Variants in GLB1L3 observed in about 807,000 individuals in gnomAD.
The protein encoded by GLB1L3 is beta-galactosidase-1-like protein 3.
A neutral mutation model predicts 89.5 loss-of-function variants in GLB1L3; 89 were observed. The ratio of observed to expected loss-of-function variants is 0.99; its 90% confidence interval spans 0.84 to 1.19. The LOEUF is 1.19. Ranked by LOEUF, GLB1L3 falls within the 50% of genes most tolerant of loss-of-function variation. GLB1L3 has a pLI of 0.00. For missense variants in GLB1L3, 812 were observed against 813.3 expected (o/e 1.00, Z 0.02); for synonymous variants, 314 against 312.3 (o/e 1.01, Z -0.06).
At position 134,311,042 on chromosome 11, in the gene GLB1L3, C is replaced by T. The variant is rs760743542; in HGVS notation, c.1181-22C>T. 2.1e-5 allele frequency: 34 copies of T among 1,586,060 alleles called. 2 individuals are homozygous for T. The South Asian group carries it at 2.5e-4, about 12-fold the overall frequency. On this transcript the variant is annotated intron_variant, in intron 12 of 19. Transcript: ENST00000431683. The stretch of plus-strand genomic sequence containing the variant: ...GTGGTCATCTCAGGCACTTTTTGCC[C>T]TGTGCCCCATCTCCATTGCAGCAAC...
intron 3 of GLB1L3, among the ~76,000 whole-genome samples, chr11:134,278,880 C>T (rs527352089): frequency 6.6e-6 from 1 of 152,282 alleles, no homozygotes; most frequent in South Asian, 2.1e-4. Flanking sequence ...CTTCACTGTT[C>T]TTTTGAATTG....
At chr11:134,300,919 C>G (rs992912843) in intron 9 of GLB1L3, among the ~76,000 whole-genome samples, 1 of 152,172 alleles carries the variant, frequency 6.6e-6, no homozygotes, top group Non-Finnish European at 1.5e-5. Flanking sequence ...GTGAATTTGG[C>G]TGGGGGACGC....
chr11:134,318,950 T>A lies in GLB1L3; in HGVS notation c.*8T>A, dbSNP rs749179537. On this transcript the variant is annotated 3_prime_UTR_variant, in exon 20 of 20. Transcript: ENST00000431683. ...GACAAGCCCACGCTGTAAAACTGTG[T>A]CTGAACATTTTTTTTTTTTTTTGAG... 1.9e-6 allele frequency: 3 copies of A among 1,572,228 alleles called. No homozygotes were observed.
intron 5 of GLB1L3, among the ~76,000 whole-genome samples, chr11:134,283,329 G>C (rs1365331016): frequency 3.9e-5 from 6 of 152,124 alleles, no homozygotes; most frequent in Non-Finnish European, 2.9e-5. Context: ...CTCCCAAAGT[G>C]CTGGGATTAT....
At chr11:134,308,565 C>CCAG (rs1565414523) in intron 10 of GLB1L3, among the ~76,000 whole-genome samples, 1 of 140,416 alleles carries the variant, frequency 7.1e-6, no homozygotes, top group Non-Finnish European at 1.6e-5. Flanking sequence ...ATCACCACCA[C>CCAG]CACCACCATC....
At chr11:134,289,742 C>T (rs752091638) in intron 7 of GLB1L3, among the ~76,000 whole-genome samples, 1 of 152,228 alleles carries the variant, frequency 6.6e-6, no homozygotes, top group African/African-American at 2.4e-5. Flanking sequence ...TTCTGTCCCT[C>T]TTGCTTCTTC....
downstream of GLB1L3, among the ~76,000 whole-genome samples, chr11:134,324,335 G>A (rs190125353): frequency 2.0e-5 from 3 of 152,266 alleles, no homozygotes; most frequent in Admixed American, 1.3e-4. Flanking sequence ...TATTTTAGTA[G>A]CATGTTTTGT....
At chr11:134,307,733 G>A (rs1942266383) in intron 10 of GLB1L3, among the ~76,000 whole-genome samples, 1 of 152,198 alleles carries the variant, frequency 6.6e-6, no homozygotes, top group Non-Finnish European at 1.5e-5. Flanking sequence ...TCTCAGCTCT[G>A]CAGCGCTAGC....
chr11:134,324,810 TAATA>T, the GLB1L3 span, among the ~76,000 whole-genome samples: 2 of 152,116 alleles, frequency 1.3e-5, no homozygotes, highest in East Asian at 1.9e-4. Flanking sequence ...TTGTTTAGTG[TAATA>T]AATGGTACTC....
chr11:134,312,502 G>A lies in GLB1L3; in HGVS notation c.1428+13G>A. On this transcript the variant is annotated intron_variant, in intron 14 of 19. Coordinates refer to ENST00000431683, the MANE Select transcript of GLB1L3 (RefSeq NM_001080407.3). ...TGACGTGGCACAGGTAGGGCCAGCA[G>A]GCTGTCTGTGTGGGAAGCAAAGTGC... 1.2e-6 allele frequency: 2 copies of A among 1,609,350 alleles called. No homozygotes were observed. The highest frequency in any genetic ancestry group is 1.7e-6 in the Non-Finnish European group (2 of 1,179,676).
chr11:134,305,438 T>G (rs1942158470), intron 9 of GLB1L3: 3 of 268,860 alleles, frequency 1.1e-5, no homozygotes, highest in African/African-American at 8.4e-5. Context: ...CGCTTCTTCC[T>G]CCTCATTTAT....
chr11:134,288,664 G>C (rs1207318756), intron 6 of GLB1L3, 134 bp from the exon 7 acceptor site: 4 of 596,032 alleles, frequency 6.7e-6, no homozygotes, highest in African/African-American at 1.9e-5. Context: ...CGCTGGAGCA[G>C]AGCGTGCAGA....
chr11:134,299,126 T>C (rs956669692), intron 9 of GLB1L3, among the ~76,000 whole-genome samples: 32 of 152,276 alleles, frequency 2.1e-4, no homozygotes, highest in African/African-American at 7.2e-4. Context: ...TTCGTTTCTC[T>C]TGCTATGTTT....
intron 9 of GLB1L3, among the ~76,000 whole-genome samples, chr11:134,294,490 T>C (rs1176567995): frequency 2.0e-5 from 3 of 152,216 alleles, no homozygotes; most frequent in African/African-American, 7.2e-5. Flanking sequence ...TTTTTGTTCT[T>C]TTTTTCTTGT....
intron 1 of GLB1L3, 143 bp downstream of exon 1, chr11:134,276,906 G>T (rs1244240029): frequency 2.7e-6 from 2 of 733,388 alleles, no homozygotes; most frequent in African/African-American, 1.9e-5. Context: ...GCTGTCCCCA[G>T]CTTTCCTCGG....
chr11:134,308,169 GCACCACCACCA>G (rs1942297909), intron 10 of GLB1L3, among the ~76,000 whole-genome samples: 1 of 74,808 alleles, frequency 1.3e-5, no homozygotes. Flanking sequence ...ACCACCACCA[GCACCACCACCA>G]TCACCATCAT....
intron 6 of GLB1L3, 150 bp from the exon 7 acceptor site, chr11:134,288,648 C>G: frequency 3.6e-6 from 2 of 562,546 alleles, no homozygotes; most frequent in Non-Finnish European, 6.2e-6. Flanking sequence ...CAGACTCTAA[C>G]TCCAGCGCTG....
intron 9 of GLB1L3, among the ~76,000 whole-genome samples, chr11:134,295,909 T>C (rs1455382266): frequency 6.6e-6 from 1 of 152,198 alleles, no homozygotes; most frequent in Non-Finnish European, 1.5e-5. Context: ...TTTTGAATCT[T>C]AGGGGATTTT....
intron 10 of GLB1L3, 99 bp downstream of exon 10, chr11:134,307,307 C>T (rs1369198269): frequency 4.2e-5 from 36 of 867,308 alleles, no homozygotes; most frequent in African/African-American, 1.7e-4. Flanking sequence ...CTTGATCAGC[C>T]GTAGATATTC....
Sources: gnomAD v4.1 joint callset for allele counts (sites outside exome capture counted in the v4.1 genomes callset) on GRCh38, gnomAD v4.1.1 for gene constraint, MANE v1.5 for transcripts, NCBI Gene and HGNC (gene_info 2026-07-23, HGNC 2026-07-21) for gene names.